The following USP31 variants were observed in gnomAD, a reference collection of about 807,000 sequenced individuals.
USP31 encodes ubiquitin specific peptidase 31.
In USP31, 44 loss-of-function variants were observed where a neutral mutation model predicts 119.4. The observed-to-expected ratio is 0.37, with a 90% CI of 0.29 to 0.47. The LOEUF (loss-of-function observed/expected upper bound fraction) is 0.47. Among genes scored for constraint, USP31 ranks in the 20% least tolerant of loss-of-function variants. The probability of loss-of-function intolerance (pLI) is 0.99; values close to 1 mark genes in which losing one functional copy is unlikely to be tolerated. For synonymous variants in USP31, 749 were observed against 705.6 expected (o/e 1.06, Z -0.97); for missense variants, 1,643 against 1,730.2 (o/e 0.95, Z 0.89).
chr16:23,148,993 C>T lies in USP31; in HGVS notation c.278G>A (p.Cys93Tyr). Residue 93 changes from cysteine (C) to tyrosine (Y), a missense_variant, in exon 1 of 16, where the codon TGC (cysteine) becomes TAC (tyrosine). Cys to Tyr is a radical substitution (Grantham distance 194). Transcript: ENST00000219689. ...CGCGGCGGCCGGCCCGGGCGGGAAG[C>T]AGCTGCGGAGGCCGCCGCGGTCTGG... ...AAPDRGGLRS[C>Y]FPPGPAAAPT... is the part of the protein sequence containing the mutation. 1 of 1,065,798 alleles carries T rather than the reference C, an allele frequency of 9.4e-7. No individual in the cohort carries two copies. The highest frequency in any genetic ancestry group is 1.7e-5 in the African/African-American group (1 of 58,048). The allele number at this position is 1,065,798 out of a possible 1,614,324, so 66.0% of individuals were successfully genotyped here.
At position 23,065,617 on chromosome 16, in the gene USP31, C is replaced by T. The variant is rs533794914; in HGVS notation, c.*2429G>A. On this transcript the variant is annotated 3_prime_UTR_variant, in exon 16 of 16. Coordinates refer to ENST00000219689, the MANE Select transcript of USP31 (RefSeq NM_020718.4). Reference sequence around the variant, plus strand: ...TATTAAACCTGAAACAAGGACTAAACTCCATGACATACAGTTTATAGACAC... The same window carrying T: ...TATTAAACCTGAAACAAGGACTAAATTCCATGACATACAGTTTATAGACAC... 1 of 152,532 alleles carries T rather than the reference C, an allele frequency of 6.6e-6. No homozygotes were observed. Among genetic ancestry groups the T allele is most frequent in the Non-Finnish European group, 1.5e-5 (1 of 68,030 alleles). 9.4% of individuals were successfully genotyped at this position (152,532 alleles called of 1,614,324 possible).
intron 1 of USP31, among the ~76,000 whole-genome samples, chr16:23,124,122 A>G (rs1419445153): frequency 1.3e-5 from 2 of 152,310 alleles, no homozygotes; most frequent in East Asian, 3.9e-4. Flanking sequence ...CATAGCAGAA[A>G]TAAGAATTCG....
At chr16:23,091,923 T>C (rs1360371551) in intron 6 of USP31, among the ~76,000 whole-genome samples, 2 of 152,200 alleles carry the variant, frequency 1.3e-5, no homozygotes, top group Non-Finnish European at 2.9e-5. Context: ...ATATCTGAAG[T>C]TGAGACAATA....
At chr16:23,079,007 A>G (rs1280038394) in intron 13 of USP31, 1 of 152,224 alleles carries the variant, frequency 6.6e-6, no homozygotes, top group Non-Finnish European at 1.5e-5. Flanking sequence ...AAGAGGTACC[A>G]AGAGTAGTCA....
chr16:23,145,343 G>C (rs1403341952), intron 1 of USP31, among the ~76,000 whole-genome samples: 1 of 152,166 alleles, frequency 6.6e-6, no homozygotes, highest in Non-Finnish European at 1.5e-5. Context: ...GGTGAATTAT[G>C]TGCACACTGA....
intron 6 of USP31, among the ~76,000 whole-genome samples, chr16:23,097,980 AGGCAAGAG>A (rs1901686704): frequency 6.6e-6 from 1 of 152,222 alleles, no homozygotes; most frequent in South Asian, 2.1e-4. Flanking sequence ...CAGGGCAATC[AGGCAAGAG>A]AAAGAAATAA....
chr16:23,068,563 A>C lies in USP31; in HGVS notation c.3542T>G (p.Val1181Gly). 3.7e-6 allele frequency: 6 copies of C among 1,614,006 alleles called. No individual in the cohort carries two copies. Among genetic ancestry groups the C allele is most frequent in the Non-Finnish European group, 5.1e-6 (6 of 1,180,002 alleles). Reference sequence around the variant, plus strand: ...GCCCTCCCCTGCTCGGGCCTGGCTCACCCGAGGGGAATTGGGTTTGGAGGT... The same window carrying C: ...GCCCTCCCCTGCTCGGGCCTGGCTCCCCCGAGGGGAATTGGGTTTGGAGGT... ...TSTSKPNSPR[V>G]SQARAGEGRG... The change falls in exon 16 of 16, where the codon GTG (valine) becomes GGG (glycine). Residue 1181 changes from valine (V) to glycine (G), a missense_variant. Val to Gly is a moderately radical substitution (Grantham distance 109, BLOSUM62 -3). Around this residue, in one of 5 missense-constraint regions of USP31, gnomAD observed 699 missense variants for 650.9 expected, o/e 1.07. Coordinates refer to ENST00000219689, the MANE Select transcript of USP31 (RefSeq NM_020718.4).
chr16:23,090,232 A>G (rs1270140404), intron 7 of USP31, among the ~76,000 whole-genome samples: 1 of 152,130 alleles, frequency 6.6e-6, no homozygotes, highest in Non-Finnish European at 1.5e-5. Context: ...TAAAAATATA[A>G]AAAATCCGCT....
At chr16:23,092,080 T>TGCCC (rs1901387828) in intron 6 of USP31, among the ~76,000 whole-genome samples, 1 of 151,880 alleles carries the variant, frequency 6.6e-6, no homozygotes, top group South Asian at 2.1e-4. Context: ...ACCCATTTAC[T>TGCCC]GCCAGCTGTG....
Position 23,149,342 on chromosome 16 carries a change from T to C in USP31, c.-72A>G, listed in dbSNP as rs1251594074. The C allele has an allele frequency of 1.1e-5, 11 of 997,244 alleles. No individual in the cohort carries two copies. In the East Asian group the frequency reaches 7.8e-4, roughly 70 times the overall value. 61.8% of individuals were successfully genotyped at this position (997,244 alleles called of 1,614,324 possible). On this transcript the variant is annotated 5_prime_UTR_variant, in exon 1 of 16. It removes an upstream start codon present in the reference 5' UTR. Transcript: ENST00000219689. Reference sequence around the variant, plus strand: ...CGGCCCCGCCACGGCCGCCGCCGCATCCCGCAGCGCCGCGCCTCACCGGGC... The same window carrying C: ...CGGCCCCGCCACGGCCGCCGCCGCACCCCGCAGCGCCGCGCCTCACCGGGC...
chr16:23,063,135 CAAGTCAT>C lies in USP31; in HGVS notation c.*4904_*4910del, dbSNP rs1266704857. 1 of 152,204 alleles carries C rather than the reference CAAGTCAT, an allele frequency of 6.6e-6. No homozygotes were observed. The highest frequency in any genetic ancestry group is 6.5e-5 in the Admixed American group (1 of 15,284). 9.4% of individuals were successfully genotyped at this position (152,204 alleles called of 1,614,324 possible). A position where few individuals can be genotyped will look rare whatever the true frequency, so the allele number is the denominator to read the frequency against. On this transcript the variant is annotated 3_prime_UTR_variant, in exon 16 of 16. Transcript: ENST00000219689. ...TAATGTGGGTCTTCACTATCTCAGACAAGTCATTCAGAAGAGGCTTAAAAGAATCTTG... is the reference window on the plus strand; with the variant it reads ...TAATGTGGGTCTTCACTATCTCAGACTCAGAAGAGGCTTAAAAGAATCTTG...
intron 6 of USP31, among the ~76,000 whole-genome samples, chr16:23,092,390 A>T (rs1262220916): frequency 6.6e-6 from 1 of 152,216 alleles, no homozygotes; most frequent in African/African-American, 2.4e-5. Flanking sequence ...ACTATATTGC[A>T]CTGCTGGGTA....
intron 6 of USP31, among the ~76,000 whole-genome samples, chr16:23,095,969 A>G (rs1435586087): frequency 6.6e-6 from 1 of 152,224 alleles, no homozygotes; most frequent in Non-Finnish European, 1.5e-5. Context: ...TAACATCATA[A>G]TAACAGGATC....
intron 11 of USP31, among the ~76,000 whole-genome samples, chr16:23,083,209 T>C (rs1205020562): frequency 6.6e-6 from 1 of 152,200 alleles, no homozygotes. Context: ...GTACCTGCTC[T>C]CATGGAGCAT....
At chr16:23,093,401 A>C (rs1901457344) in intron 6 of USP31, among the ~76,000 whole-genome samples, 1 of 152,246 alleles carries the variant, frequency 6.6e-6, no homozygotes, top group African/African-American at 2.4e-5. Context: ...CAAAGAGAAT[A>C]TATAAATGGC....
intron 1 of USP31, among the ~76,000 whole-genome samples, chr16:23,116,057 A>T (rs1299439748): frequency 3.3e-5 from 5 of 152,208 alleles, no homozygotes; most frequent in African/African-American, 4.8e-5. Context: ...GGATGTGGCA[A>T]TACTGGTCTG....
chr16:23,062,794 A>C lies in USP31; in HGVS notation c.*5252T>G, dbSNP rs752418191. 2.6e-5 allele frequency: 4 copies of C among 152,584 alleles called. No homozygotes were observed. The highest frequency in any genetic ancestry group is 6.5e-5 in the Admixed American group (1 of 15,286). 9.5% of individuals were successfully genotyped at this position (152,584 alleles called of 1,614,324 possible). A position where few individuals can be genotyped will look rare whatever the true frequency, so the allele number is the denominator to read the frequency against. On this transcript the variant is annotated 3_prime_UTR_variant, in exon 16 of 16. Transcript: ENST00000219689. Reference sequence around the variant, plus strand: ...GCTCCCCAACTGGGCCTTGAATCAGAAGGGCCCTTGTATTTCAAATGGGAG... The same window carrying C: ...GCTCCCCAACTGGGCCTTGAATCAGCAGGGCCCTTGTATTTCAAATGGGAG...
chr16:23,138,448 C>G (rs992275354), intron 1 of USP31, among the ~76,000 whole-genome samples: 1 of 152,174 alleles, frequency 6.6e-6, no homozygotes, highest in African/African-American at 2.4e-5. Context: ...CATCACTCAA[C>G]CCATCCTCCA....
intron 15 of USP31, among the ~76,000 whole-genome samples, chr16:23,070,508 T>C (rs1900299266): frequency 6.6e-6 from 1 of 151,942 alleles, no homozygotes; most frequent in Non-Finnish European, 1.5e-5. Context: ...TGTCAGGAGA[T>C]CGAGACCATT....
Sources: allele counts gnomAD v4.1 joint callset (sites outside exome capture counted in the v4.1 genomes callset), GRCh38; gene constraint gnomAD v4.1.1; regional missense constraint gnomAD v4.1.1; transcripts MANE v1.5; gene names NCBI Gene and HGNC (gene_info 2026-07-23, HGNC 2026-07-21).